The following CHN2 variants were observed in gnomAD, a reference collection of about 807,000 sequenced individuals.
CHN2 encodes the protein beta-chimaerin.
Under a neutral mutation model 56.3 loss-of-function variants are expected in CHN2, and 35 were observed. That is an observed-to-expected ratio of 0.62 (90% CI 0.47 to 0.82). CHN2 has a LOEUF of 0.82. Among genes scored for constraint, CHN2 ranks in the 40% least tolerant of loss-of-function variants. The probability of loss-of-function intolerance (pLI) is 0.00; values close to 1 mark genes in which losing one functional copy is unlikely to be tolerated. For missense variants in CHN2, 491 were observed against 580.5 expected, an observed-to-expected ratio of 0.85 and a Z score of 1.58; for synonymous variants, 210 against 212.8, an observed-to-expected ratio of 0.99 and a Z score of 0.12.
At chr7:29,478,548 C>T (rs1020639896) in intron 6 of CHN2, among the ~76,000 whole-genome samples, 4 of 152,046 alleles carry the variant, frequency 2.6e-5, no homozygotes, top group Non-Finnish European at 5.9e-5. Flanking sequence ...ATGGGTGTAC[C>T]GAGGCAGCAG....
chr7:29,345,020 G>A (rs1273258509), intron 1 of CHN2, among the ~76,000 whole-genome samples: 3 of 152,146 alleles, frequency 2.0e-5, no homozygotes, highest in East Asian at 1.9e-4. Context: ...AGCAGTCATG[G>A]CCACTTCAGT....
chr7:29,335,525 G>C (rs989585508), intron 1 of CHN2, among the ~76,000 whole-genome samples: 1 of 152,224 alleles, frequency 6.6e-6, no homozygotes, highest in Non-Finnish European at 1.5e-5. Flanking sequence ...CCCAAATCTA[G>C]TCATTTCTGG....
chr7:29,197,865 G>A (rs1230424030), intron 1 of CHN2: 1 of 454,944 alleles, frequency 2.2e-6, no homozygotes, highest in African/African-American at 2.0e-5. Flanking sequence ...AATTAGAGGG[G>A]TCAGTGGAAA....
chr7:29,228,827 C>T (rs1306490358), intron 1 of CHN2, among the ~76,000 whole-genome samples: 1 of 152,226 alleles, frequency 6.6e-6, no homozygotes, highest in African/African-American at 2.4e-5. Flanking sequence ...TCAAGTAGGC[C>T]AATCCACCCA....
At position 29,210,416 on chromosome 7, in the gene CHN2, ACACACACACACCC is replaced by A. The variant is rs553068184; in HGVS notation, c.49+15439_49+15451del. ...AAACCCAGCACGTACACACACAGGC[ACACACACACACCC>A]CACACACACACCGTGCACACACCAA... On this transcript the variant is annotated intron_variant, in intron 1 of 12. Transcript: ENST00000222792. Among the ~76,000 whole-genome samples the A allele has an allele frequency of 3.4e-4, 51 of 151,848 alleles. 1 individual carries two copies. Among genetic ancestry groups the A allele is most frequent in the Admixed American group, 4.6e-4 (7 of 15,238 alleles).
At chr7:29,299,035 G>C (rs1466371113) in intron 1 of CHN2, among the ~76,000 whole-genome samples, 2 of 152,082 alleles carry the variant, frequency 1.3e-5, no homozygotes, top group Admixed American at 6.5e-5. Context: ...GAATTTATTG[G>C]GAAAAAAGGG....
chr7:29,277,767 G>GT (rs1045908337), intron 1 of CHN2, among the ~76,000 whole-genome samples: 1 of 152,180 alleles, frequency 6.6e-6, no homozygotes, highest in Non-Finnish European at 1.5e-5. Flanking sequence ...AGTTTCTGCA[G>GT]TTTTTTCAGC....
intron 7 of CHN2, among the ~76,000 whole-genome samples, chr7:29,489,064 A>C (rs1241095787): frequency 6.6e-6 from 1 of 152,224 alleles, no homozygotes; most frequent in African/African-American, 2.4e-5. Context: ...TGCCTTCCAG[A>C]TTCAGCAGCT....
intron 4 of CHN2, among the ~76,000 whole-genome samples, chr7:29,396,137 GA>G (rs1801720625): frequency 6.6e-6 from 1 of 151,860 alleles, no homozygotes; most frequent in East Asian, 1.9e-4. Flanking sequence ...AATTAAAAAA[GA>G]AACATAAGAC....
chr7:29,195,623 AGAGAGAGT>A lies in CHN2; in HGVS notation c.49+635_49+642del, dbSNP rs1379655048. ...GAGAGAGAGAGAGAGAGAGAGAGAG[AGAGAGAGT>A]GTGTGTGTGTGTGTGTGTGAGAGAG... is the stretch of plus-strand genomic sequence containing the variant. On this transcript the variant is annotated intron_variant, in intron 1 of 12. Transcript: ENST00000222792. 4.0e-3 allele frequency among the ~76,000 whole-genome samples: 518 copies of A among 128,140 alleles called. 2 individuals carry two copies. The highest frequency in any genetic ancestry group is 0.016 in the African/African-American group (478 of 29,846). 84.1% of individuals were successfully genotyped at this position (128,140 alleles called of 152,430 possible). A position where few individuals can be genotyped will look rare whatever the true frequency, so the allele number is the denominator to read the frequency against.
In CHN2 at chr7:29,269,900, T is replaced by C. The variant is rs80201603; in HGVS notation, c.49+74910T>C. ...TAATAGGCTTCTGACCCTCCCTCAT[T>C]TTCTGGTTCATCAGATGAAATAATA... is the stretch of plus-strand genomic sequence containing the variant. On this transcript the variant is annotated intron_variant, in intron 1 of 12. Coordinates refer to ENST00000222792, the MANE Select transcript of CHN2 (RefSeq NM_004067.4). 6.4e-3 allele frequency among the ~76,000 whole-genome samples: 972 copies of C among 152,278 alleles called. 7 individuals carry two copies. Among genetic ancestry groups the C allele is most frequent in the African/African-American group, 0.021 (886 of 41,550 alleles).
intron 2 of CHN2, among the ~76,000 whole-genome samples, chr7:29,163,537 C>A (rs1795489048): frequency 6.6e-6 from 1 of 151,996 alleles, no homozygotes. Context: ...ACCTAAGAGA[C>A]AATATCCATT....
intron 1 of CHN2, among the ~76,000 whole-genome samples, chr7:29,232,148 A>C (rs1005169596): frequency 6.6e-6 from 1 of 152,174 alleles, no homozygotes; most frequent in East Asian, 1.9e-4. Context: ...TTGTAAACAG[A>C]CTTGTAAACC....
chr7:29,167,204 G>A (rs1796028499), intron 2 of CHN2, among the ~76,000 whole-genome samples: 1 of 151,934 alleles, frequency 6.6e-6, no homozygotes. Flanking sequence ...ATTTATTTTT[G>A]CTTAAGTATG....
At chr7:29,377,924 C>T (rs1322498515) in intron 3 of CHN2, among the ~76,000 whole-genome samples, 3 of 152,224 alleles carry the variant, frequency 2.0e-5, no homozygotes, top group Non-Finnish European at 2.9e-5. Flanking sequence ...TTGGCACAGC[C>T]CAACAAAGGC....
chr7:29,480,437 G>A, intron 7 of CHN2, 81 bp downstream of exon 7: 1 of 1,401,976 alleles, frequency 7.1e-7, no homozygotes, highest in South Asian at 1.2e-5. Flanking sequence ...TCTGGTTTCT[G>A]ACTGTAAAGT....
At chr7:29,489,019 C>G (rs1244526642) in intron 7 of CHN2, among the ~76,000 whole-genome samples, 1 of 152,172 alleles carries the variant, frequency 6.6e-6, no homozygotes, top group Non-Finnish European at 1.5e-5. Context: ...ATTGACCCAT[C>G]AAAACATATC....
chr7:29,398,199 A>T (rs530841832), intron 4 of CHN2, 174 bp from the exon 5 acceptor site: 50 of 476,462 alleles, frequency 1.0e-4, no homozygotes, highest in African/African-American at 8.9e-4. Flanking sequence ...TTGTGTTTGG[A>T]GCATGTGAGG....
Position 29,508,792 on chromosome 7 carries a change from G to A in CHN2, c.1130-509G>A, listed in dbSNP as rs568307078. Among the ~76,000 whole-genome samples, 10 of 152,290 alleles carry A rather than the reference G, an allele frequency of 6.6e-5. 1 individual carries two copies. The highest frequency in any genetic ancestry group is 3.9e-4 in the East Asian group (2 of 5,184). ...CCGGGGTTAAGTATGCCAACGCCAC[G>A]GTGAGAAGTGCCATGAGTGCAGGCT... On this transcript the variant is annotated intron_variant, in intron 11 of 12. Transcript: ENST00000222792.
Sources: allele counts gnomAD v4.1 joint callset (sites outside exome capture counted in the v4.1 genomes callset), GRCh38; gene constraint gnomAD v4.1.1; transcripts MANE v1.5; gene names NCBI Gene and HGNC (gene_info 2026-07-23, HGNC 2026-07-21).